The following SGMS1 variants were observed in gnomAD, a reference collection of about 807,000 sequenced individuals.
SGMS1 encodes the protein sphingomyelin synthase 1, also known as phosphatidylcholine:ceramide cholinephosphotransferase 1.
In SGMS1, 13 loss-of-function variants were observed where a neutral mutation model predicts 46.2. The observed-to-expected ratio is 0.28, with a 90% CI of 0.18 to 0.45. The LOEUF is 0.45. Ranked by LOEUF, SGMS1 falls within the 20% of genes least tolerant of loss-of-function variation. The pLI is 1.00. For missense variants in SGMS1, 324 were observed against 519.9 expected (o/e 0.62, Z 3.66); for synonymous variants, 203 against 187.8 (o/e 1.08, Z -0.66).
chr10:50,511,180 A>G (rs938599007), intron 3 of SGMS1, among the ~76,000 whole-genome samples: 1 of 152,014 alleles, frequency 6.6e-6, no homozygotes, highest in Admixed American at 6.6e-5. Flanking sequence ...TAAAATAGCA[A>G]ACAAGAGAAC....
chr10:50,487,132 G>A (rs1215489762), intron 3 of SGMS1, among the ~76,000 whole-genome samples: 1 of 152,180 alleles, frequency 6.6e-6, no homozygotes, highest in Non-Finnish European at 1.5e-5. Context: ...GCATAGTGGG[G>A]AACAACAGAC....
intron 6 of SGMS1, among the ~76,000 whole-genome samples, chr10:50,382,574 C>CACACACAT (rs1848622044): frequency 6.7e-6 from 1 of 148,540 alleles, no homozygotes; most frequent in Non-Finnish European, 1.5e-5. Flanking sequence ...CACATACACA[C>CACACACAT]ACACACACAC....
intron 1 of SGMS1, among the ~76,000 whole-genome samples, chr10:50,609,430 T>C (rs903329532): frequency 6.6e-6 from 1 of 151,914 alleles, no homozygotes; most frequent in Non-Finnish European, 1.5e-5. Context: ...TAAGACCTGT[T>C]GAGGACATAT....
chr10:50,437,158 G>A (rs1849484463), intron 5 of SGMS1, among the ~76,000 whole-genome samples: 1 of 152,158 alleles, frequency 6.6e-6, no homozygotes, highest in Non-Finnish European at 1.5e-5. Context: ...CTCATACTTT[G>A]GGGGCAATAC....
rs184344884 is a variant in SGMS1, at chr10:50,621,629, G to A, written c.-684+2078C>T. On this transcript the variant is annotated intron_variant, in intron 1 of 10. Transcript: ENST00000361781. The stretch of plus-strand genomic sequence containing the variant: ...TGAGTAAGATACTGGTTTAATAACC[G>A]TGTCCCTCTGATGTCAATTTAATAC... Among the ~76,000 whole-genome samples, 17 of 152,304 alleles carry A rather than the reference G, an allele frequency of 1.1e-4. No individual in the cohort carries two copies. In the East Asian group the frequency reaches 1.9e-3, roughly 17 times the overall value.
chr10:50,327,197 T>C lies in SGMS1; in HGVS notation c.741+8A>G, dbSNP rs1329335845. The C allele has an allele frequency of 5.4e-6, 8 of 1,482,264 alleles. No homozygotes were observed. Among genetic ancestry groups the C allele is most frequent in the Admixed American group, 1.7e-5 (1 of 58,314 alleles). The allele number at this position is 1,482,264 out of a possible 1,614,324, so 91.8% of individuals were successfully genotyped here. ...CAGAAAGCGAAATTACAGCGAGGAA[T>C]AGTTTACCTTCGGAGAACAGTTGAA... On this transcript the variant is annotated splice_region_variant and intron_variant, in intron 8 of 10. Transcript: ENST00000361781.
chr10:50,557,814 C>T (rs1838201183), intron 2 of SGMS1, among the ~76,000 whole-genome samples: 1 of 152,120 alleles, frequency 6.6e-6, no homozygotes, highest in Admixed American at 6.5e-5. Context: ...ACTCTACCCA[C>T]TACTTCTAAC....
intron 2 of SGMS1, among the ~76,000 whole-genome samples, chr10:50,538,037 A>G (rs1838019070): frequency 1.3e-5 from 2 of 151,810 alleles, no homozygotes; most frequent in Non-Finnish European, 2.9e-5. Flanking sequence ...CCAGCTATTC[A>G]AAGTTACAGT....
chr10:50,514,254 G>A (rs951117810), intron 3 of SGMS1, among the ~76,000 whole-genome samples: 3 of 152,162 alleles, frequency 2.0e-5, no homozygotes, highest in African/African-American at 7.2e-5. Context: ...TCTGGTGATT[G>A]TCTACCTACC....
intron 2 of SGMS1, among the ~76,000 whole-genome samples, chr10:50,540,266 A>C (rs559838373): frequency 2.0e-5 from 3 of 152,322 alleles, no homozygotes; most frequent in African/African-American, 7.2e-5. Flanking sequence ...GTAGAGTACT[A>C]AGAAAGCCAG....
intron 6 of SGMS1, among the ~76,000 whole-genome samples, chr10:50,427,585 T>A (rs550103958): frequency 3.9e-5 from 6 of 152,252 alleles, no homozygotes; most frequent in South Asian, 4.1e-4. Context: ...TAAGCTGAAC[T>A]AACCAAAAGC....
intron 7 of SGMS1, among the ~76,000 whole-genome samples, chr10:50,329,641 T>C (rs1461267642): frequency 2.6e-5 from 4 of 152,244 alleles, no homozygotes; most frequent in Admixed American, 6.5e-5. Context: ...CTTATTCACT[T>C]AAAGGTTTAA....
chr10:50,557,362 A>G (rs771245565), intron 2 of SGMS1, among the ~76,000 whole-genome samples: 3 of 152,214 alleles, frequency 2.0e-5, no homozygotes, highest in Non-Finnish European at 4.4e-5. Context: ...AAGCATCATT[A>G]TTAGTCATTT....
At chr10:50,454,974 G>T (rs1471453277) in intron 5 of SGMS1, among the ~76,000 whole-genome samples, 1 of 152,082 alleles carries the variant, frequency 6.6e-6, no homozygotes, top group African/African-American at 2.4e-5. Context: ...TTGAAATATT[G>T]TTTACCTCCC....
intron 3 of SGMS1, among the ~76,000 whole-genome samples, chr10:50,507,809 C>A (rs529882050): frequency 2.0e-5 from 3 of 152,330 alleles, no homozygotes; most frequent in Non-Finnish European, 2.9e-5. Flanking sequence ...ATGGAGAAGT[C>A]CCCAGATGGC....
chr10:50,338,532 C>A (rs528510556), intron 7 of SGMS1, among the ~76,000 whole-genome samples: 33 of 144,778 alleles, frequency 2.3e-4, no homozygotes, highest in African/African-American at 7.6e-4. Context: ...ATATACAAAT[C>A]AAGGATTCAC....
chr10:50,317,479 G>A (rs1023916354), intron 8 of SGMS1, among the ~76,000 whole-genome samples: 1 of 152,126 alleles, frequency 6.6e-6, no homozygotes, highest in Admixed American at 6.5e-5. Flanking sequence ...GTCACACAGA[G>A]TGACTCAGTT....
At chr10:50,502,819 T>C (rs1398910302) in intron 3 of SGMS1, among the ~76,000 whole-genome samples, 1 of 152,172 alleles carries the variant, frequency 6.6e-6, no homozygotes, top group East Asian at 1.9e-4. Flanking sequence ...ATTTTAAAAA[T>C]AGTCCCCAAA....
chr10:50,345,632 T>C (rs1847902324), intron 6 of SGMS1, among the ~76,000 whole-genome samples: 1 of 152,188 alleles, frequency 6.6e-6, no homozygotes, highest in Non-Finnish European at 1.5e-5. Flanking sequence ...GAATCCCTAA[T>C]GCTGAAACTC....
Sources: allele counts gnomAD v4.1 joint callset (sites outside exome capture counted in the v4.1 genomes callset), GRCh38; gene constraint gnomAD v4.1.1; transcripts MANE v1.5; gene names NCBI Gene and HGNC (gene_info 2026-07-23, HGNC 2026-07-21).